The following ARHGAP15 variants were observed in gnomAD, a reference collection of about 807,000 sequenced individuals.
The protein encoded by ARHGAP15 is rho GTPase-activating protein 15.
A neutral mutation model predicts 63.7 loss-of-function variants in ARHGAP15; 51 were observed. The ratio of observed to expected loss-of-function variants is 0.80; its 90% CI spans 0.64 to 1.01. ARHGAP15 has a LOEUF of 1.01. ARHGAP15 is among the 50% of genes least tolerant of loss of function. ARHGAP15 has a pLI of 0.00. For synonymous variants in ARHGAP15, 191 were observed against 193.8 expected, an observed-to-expected ratio of 0.99 and a Z score of 0.12; for missense variants, 560 against 564.6, an observed-to-expected ratio of 0.99 and a Z score of 0.08.
intron 2 of ARHGAP15, among the ~76,000 whole-genome samples, chr2:143,170,431 G>T (rs191725282): frequency 3.9e-5 from 6 of 152,224 alleles, no homozygotes; most frequent in Admixed American, 3.9e-4. Context: ...CCACACCACT[G>T]CCACCAACAA....
chr2:143,560,609 C>T (rs531124045), intron 11 of ARHGAP15, among the ~76,000 whole-genome samples: 164 of 152,310 alleles, frequency 1.1e-3, no homozygotes, highest in African/African-American at 3.8e-3. Context: ...ATGCTACACA[C>T]GCTCATTCAT....
intron 6 of ARHGAP15, among the ~76,000 whole-genome samples, chr2:143,340,349 G>A (rs1054591212): frequency 1.3e-5 from 2 of 152,116 alleles, no homozygotes; most frequent in Non-Finnish European, 2.9e-5. Context: ...TTATGGGATA[G>A]TGTTGAGAAA....
chr2:143,650,268 T>C (rs1681094535), intron 12 of ARHGAP15, among the ~76,000 whole-genome samples: 1 of 151,942 alleles, frequency 6.6e-6, no homozygotes, highest in South Asian at 2.1e-4. Flanking sequence ...GGCACTATCA[T>C]TATTCAAACA....
intron 6 of ARHGAP15, among the ~76,000 whole-genome samples, chr2:143,254,480 C>G (rs1222035085): frequency 6.6e-6 from 1 of 151,328 alleles, no homozygotes; most frequent in Non-Finnish European, 1.5e-5. Context: ...TAGGTTTTGT[C>G]TTTTCCTTTG....
intron 6 of ARHGAP15, among the ~76,000 whole-genome samples, chr2:143,318,509 CTTTTT>C (rs535910161): frequency 0.049 from 2,726 of 55,126 alleles, 31 homozygotes; most frequent in Non-Finnish European, 0.062. Flanking sequence ...GATTAAGGGC[CTTTTT>C]TTTTTTTTTT....
At chr2:143,147,180 G>T (rs1224488461) in intron 1 of ARHGAP15, among the ~76,000 whole-genome samples, 5 of 152,016 alleles carry the variant, frequency 3.3e-5, no homozygotes, top group Admixed American at 3.3e-4. Flanking sequence ...TCCCAACAAA[G>T]ATTAGAGAAG....
chr2:143,286,032 T>C (rs1357408390), intron 6 of ARHGAP15, among the ~76,000 whole-genome samples: 1 of 152,230 alleles, frequency 6.6e-6, no homozygotes, highest in Non-Finnish European at 1.5e-5. Context: ...GAAGAAAATG[T>C]CTACTCCAAA....
At chr2:143,507,330 G>A (rs771298698) in intron 9 of ARHGAP15, among the ~76,000 whole-genome samples, 1 of 152,042 alleles carries the variant, frequency 6.6e-6, no homozygotes, top group Non-Finnish European at 1.5e-5. Context: ...CGTACTTCCA[G>A]GAGTTAGAAA....
chr2:143,228,688 T>C lies in ARHGAP15; in HGVS notation c.384+20T>C. The C allele has an allele frequency of 5.4e-6, 8 of 1,468,704 alleles. No homozygotes were observed. The highest frequency in any genetic ancestry group is 6.4e-6 in the Non-Finnish European group (7 of 1,091,142). 91.0% of individuals were successfully genotyped at this position (1,468,704 alleles called of 1,614,324 possible). On this transcript the variant is annotated intron_variant, in intron 5 of 13. Coordinates refer to ENST00000295095, the MANE Select transcript of ARHGAP15 (RefSeq NM_018460.4). Reference sequence around the variant, plus strand: ...AATATGGTAAGTAATTCTCTGTTTCTATTGTTAAATATCTTTTCAGAAATA... The same window carrying C: ...AATATGGTAAGTAATTCTCTGTTTCCATTGTTAAATATCTTTTCAGAAATA...
rs535267503 is a variant in ARHGAP15, at chr2:143,580,620, T to C, written c.1003+24135T>C. Among the ~76,000 whole-genome samples, 4 of 152,258 alleles carry C rather than the reference T, an allele frequency of 2.6e-5. No individual in the cohort carries two copies. The South Asian group carries it at 8.3e-4, about 32-fold the overall frequency. On this transcript the variant is annotated intron_variant, in intron 11 of 13. Coordinates refer to ENST00000295095, the MANE Select transcript of ARHGAP15 (RefSeq NM_018460.4). ...CTTACTCATCCTTCTTTTAGATGTA[T>C]TTTTAAATTTTAATATGCGTTTTAT...
intron 13 of ARHGAP15, among the ~76,000 whole-genome samples, chr2:143,744,855 T>A (rs536813963): frequency 1.3e-5 from 2 of 152,324 alleles, no homozygotes; most frequent in African/African-American, 4.8e-5. Context: ...AAAATGTACA[T>A]CCGTTGGGAA....
chr2:143,160,900 C>T (rs1008769213), intron 2 of ARHGAP15, among the ~76,000 whole-genome samples: 1 of 149,196 alleles, frequency 6.7e-6, no homozygotes, highest in African/African-American at 2.6e-5. Flanking sequence ...AGAGCTAGGG[C>T]TCTCACAACC....
At chr2:143,351,748 C>A (rs1301157382) in intron 6 of ARHGAP15, among the ~76,000 whole-genome samples, 1 of 152,068 alleles carries the variant, frequency 6.6e-6, no homozygotes, top group Non-Finnish European at 1.5e-5. Context: ...TCAGTAAGAT[C>A]GAACTAATTG....
chr2:143,182,978 T>C (rs1691298152), intron 2 of ARHGAP15, among the ~76,000 whole-genome samples: 1 of 152,102 alleles, frequency 6.6e-6, no homozygotes, highest in Non-Finnish European at 1.5e-5. Flanking sequence ...CTGCCAGGAA[T>C]AGAAGATTAA....
At chr2:143,439,448 A>AAAAAAAAAAAAAT (rs869148669) in intron 8 of ARHGAP15, among the ~76,000 whole-genome samples, 1 of 145,300 alleles carries the variant, frequency 6.9e-6, no homozygotes, top group African/African-American at 2.5e-5. Context: ...AAAAAAAAAA[A>AAAAAAAAAAAAAT]GGGAAGAGAT....
intron 11 of ARHGAP15, among the ~76,000 whole-genome samples, chr2:143,598,569 C>T (rs1199092786): frequency 1.3e-5 from 2 of 152,066 alleles, no homozygotes; most frequent in African/African-American, 4.8e-5. Context: ...TATACCTTAC[C>T]CCTTTACTAT....
rs1688557784 is a variant in ARHGAP15, at chr2:143,413,952, T to TGTGC, written c.475-21646_475-21645insCGTG. ...TTGTGTGTGTGTGTGTGTGTGTGTG[T>TGTGC]GTGTGTGTGTGTGTGCGCGCTCTCT... is the stretch of plus-strand genomic sequence containing the variant. On this transcript the variant is annotated intron_variant, in intron 6 of 13. Transcript: ENST00000295095. 4.1e-5 allele frequency among the ~76,000 whole-genome samples: 4 copies of TGTGC among 96,472 alleles called. No individual in the cohort carries two copies. In the South Asian group the frequency reaches 1.7e-3, roughly 41 times the overall value. The allele number at this position is 96,472 out of a possible 152,430, so 63.3% of individuals were successfully genotyped here.
At chr2:143,357,309 C>T (rs949787609) in intron 6 of ARHGAP15, among the ~76,000 whole-genome samples, 1 of 151,804 alleles carries the variant, frequency 6.6e-6, no homozygotes, top group East Asian at 1.9e-4. Context: ...CTAAAGGAAG[C>T]AGAAAGCTAC....
intron 10 of ARHGAP15, among the ~76,000 whole-genome samples, chr2:143,541,635 A>C (rs1275789604): frequency 1.3e-5 from 2 of 152,136 alleles, no homozygotes; most frequent in Non-Finnish European, 2.9e-5. Flanking sequence ...AGTTTACTGG[A>C]GGTCCACTCC....
Sources: gnomAD v4.1 joint callset for allele counts (sites outside exome capture counted in the v4.1 genomes callset) on GRCh38, gnomAD v4.1.1 for gene constraint, MANE v1.5 for transcripts, NCBI Gene and HGNC (gene_info 2026-07-23, HGNC 2026-07-21) for gene names.